The following NOS3 variants were observed in gnomAD, a reference collection of about 807,000 sequenced individuals.
The protein encoded by NOS3 is NOS type III.
NOS3 carries 98 observed loss-of-function variants against 144.9 expected under a neutral mutation model. That is an observed-to-expected ratio of 0.68 (90% confidence interval 0.57 to 0.80). The LOEUF (loss-of-function observed/expected upper bound fraction) is 0.80, where lower values mean the gene tolerates loss of function less well. Among genes scored for constraint, NOS3 ranks in the 30% least tolerant of loss-of-function variants. NOS3 has a pLI of 0.00. For synonymous variants in NOS3, 714 were observed against 702.4 expected (o/e 1.02, Z -0.26); for missense variants, 1,465 against 1,656.4 (o/e 0.88, Z 2.01).
rs1418631551 is a variant in NOS3, at chr7:150,996,862, G to A, written c.519G>A (p.Gly173=). The A allele has an allele frequency of 1.3e-6, 2 of 1,595,054 alleles. No homozygotes were observed. Among genetic ancestry groups the A allele is most frequent in the Middle Eastern group, 1.7e-4 (1 of 5,826 alleles). ...TTAGGGAGAGCGAGCTGGTGTTCGG[G>A]GCTAAGCAGGCCTGGCGCAACGCTC... ...YQLRESELVF[G]AKQAWRNAPR... is the part of the protein sequence containing the mutation. Residue 173 remains glycine, a synonymous_variant, in exon 5 of 27, where the codon GGG becomes GGA. Transcript: ENST00000297494.
At position 151,014,459 on chromosome 7, in the gene NOS3, C is replaced by T. The variant is rs1795398299; in HGVS notation, c.*290C>T. On this transcript the variant is annotated 3_prime_UTR_variant, in exon 27 of 27. Coordinates refer to ENST00000297494, the MANE Select transcript of NOS3 (RefSeq NM_000603.5). ...CTGTTTCTTAGTCGAATGTTAGATT[C>T]CTCTTGCCTCTCTCAGGAGTATCTT... 1 of 440,796 alleles carries T rather than the reference C, an allele frequency of 2.3e-6. No individual in the cohort carries two copies. Among genetic ancestry groups the T allele is most frequent in the East Asian group, 3.5e-5 (1 of 28,220 alleles). 27.3% of individuals were successfully genotyped at this position (440,796 alleles called of 1,614,324 possible).
intron 17 of NOS3, 188 bp from the exon 18 acceptor site, chr7:151,008,742 C>T: frequency 1.7e-6 from 1 of 602,902 alleles, no homozygotes; most frequent in Non-Finnish European, 2.8e-6. Context: ...AAAGAGCCAG[C>T]CGGGTCCCTG....
At position 150,993,584 on chromosome 7, in the gene NOS3, C is replaced by T. The variant is rs945667047; in HGVS notation, c.-51-169C>T. On this transcript the variant is annotated intron_variant, in intron 1 of 26. Coordinates refer to ENST00000297494, the MANE Select transcript of NOS3 (RefSeq NM_000603.5). This position sits in a 1 kb window ranked among gnomAD's most constrained non-coding sequence, Gnocchi z 4.0. ...CTCAGTCCTCACAGCGGAACCCAGG[C>T]GTCCGGCCCCCCACCCTTCAGGCCA... Among the ~76,000 whole-genome samples, 4 of 152,216 alleles carry T rather than the reference C, an allele frequency of 2.6e-5. No homozygotes were observed. Among genetic ancestry groups the T allele is most frequent in the African/African-American group, 7.2e-5 (3 of 41,546 alleles).
chr7:151,009,603 A>C lies in NOS3; in HGVS notation c.2512+18A>C. 11 of 1,510,868 alleles carry C rather than the reference A, an allele frequency of 7.3e-6. No individual in the cohort carries two copies. Among genetic ancestry groups the C allele is most frequent in the Non-Finnish European group, 8.9e-6 (10 of 1,127,338 alleles). 93.6% of individuals were successfully genotyped at this position (1,510,868 alleles called of 1,614,324 possible). A position where few individuals can be genotyped will look rare whatever the true frequency, so the allele number is the denominator to read the frequency against. On this transcript the variant is annotated intron_variant, in intron 20 of 26. Transcript: ENST00000297494. ...CAGCCCTGGTGAGGGGCAGCCTGGG[A>C]AGCAACAGGGCACACCAGCCCCATG...
At chr7:151,001,478 GC>G in intron 11 of NOS3, 53 bp downstream of exon 11, 3 of 1,603,724 alleles carry the variant, frequency 1.9e-6, no homozygotes, top group Non-Finnish European at 2.6e-6. Context: ...ATTCTAAGCA[GC>G]CCCTGGGGAC....
At position 151,007,289 on chromosome 7, in the gene NOS3, C is replaced by T. The variant is rs1355354258; in HGVS notation, c.2112+13C>T. On this transcript the variant is annotated intron_variant, in intron 17 of 26. Transcript: ENST00000297494. ...GGCTGCCTTCCAGGTGAGCCCAGCC[C>T]AGCCCCTGCTCTGACTCCTGCCCCC... is the stretch of plus-strand genomic sequence containing the variant. 36 of 1,587,882 alleles carry T rather than the reference C, an allele frequency of 2.3e-5. No homozygotes were observed. Among genetic ancestry groups the T allele is most frequent in the Non-Finnish European group, 2.9e-5 (34 of 1,172,330 alleles).
chr7:151,001,192 G>T, intron 10 of NOS3, 39 bp from the exon 11 acceptor site: 1 of 1,602,174 alleles, frequency 6.2e-7, no homozygotes, highest in African/African-American at 1.3e-5. Flanking sequence ...GAGGTCTGTG[G>T]GTCTGGTTTG....
At chr7:150,999,496 T>C (rs1357410516) in intron 9 of NOS3, 132 bp downstream of exon 9, 5 of 968,544 alleles carry the variant, frequency 5.2e-6, no homozygotes, top group South Asian at 1.7e-5. Flanking sequence ...AAATGGGAAC[T>C]GAGGACAAGC....
intron 21 of NOS3, 31 bp downstream of exon 21, chr7:151,010,318 C>T (rs1795277396): frequency 1.3e-6 from 2 of 1,587,832 alleles, no homozygotes; most frequent in Non-Finnish European, 1.7e-6. Context: ...GGCACAGGGG[C>T]TAGAGAGACG....
At position 151,002,030 on chromosome 7, in the gene NOS3, G is replaced by A. The variant is rs1795116512; in HGVS notation, c.1647+65G>A. ...GGGCTCTATCAGCATCTTCAGGGGT[G>A]CCCTGGAGGACAGGAAGTGTTACAA... On this transcript the variant is annotated intron_variant, in intron 13 of 26. Transcript: ENST00000297494. This position sits in a 1 kb window ranked among gnomAD's most constrained non-coding sequence, Gnocchi z 4.1. The A allele has an allele frequency of 1.2e-5, 19 of 1,579,108 alleles. No individual in the cohort carries two copies. The South Asian group carries it at 2.1e-4, about 18-fold the overall frequency.
At chr7:151,005,584 G>T (rs1380499223) in intron 14 of NOS3, among the ~76,000 whole-genome samples, 1 of 152,218 alleles carries the variant, frequency 6.6e-6, no homozygotes, top group African/African-American at 2.4e-5. Flanking sequence ...CTCCCCTGCA[G>T]CTGCGAGGAC....
At position 150,998,747 on chromosome 7, in the gene NOS3, G is replaced by A; in HGVS notation, c.816+67G>A. On this transcript the variant is annotated intron_variant, in intron 7 of 26. Transcript: ENST00000297494. The surrounding 1 kb of genome is among the most constrained non-coding windows in gnomAD (Gnocchi z 5.0). ...AGAATGAGGAAACCAGTGGGAGAAGGCTCGGGGGATCCAGGCAGGAAGAGG... is the reference window on the plus strand; with the variant it reads ...AGAATGAGGAAACCAGTGGGAGAAGACTCGGGGGATCCAGGCAGGAAGAGG... 6 of 1,545,598 alleles carry A rather than the reference G, an allele frequency of 3.9e-6. No individual in the cohort carries two copies. In the South Asian group the frequency reaches 7.0e-5, roughly 18 times the overall value.
At chr7:151,013,608 G>C in intron 25 of NOS3, 116 bp from the exon 26 acceptor site, 1 of 800,538 alleles carries the variant, frequency 1.2e-6, no homozygotes, top group East Asian at 6.0e-5. Flanking sequence ...CCCAGGGCAC[G>C]CAGGCCCCAC....
Position 151,003,238 on chromosome 7 carries a change from A to T in NOS3, c.1752+934A>T, listed in dbSNP as rs1353062044. ...CCTCCTAGACTCAAGCAATCCTCCC[A>T]CTTCAACCTCCCAAGTAGTTGGGAC... On this transcript the variant is annotated intron_variant, in intron 14 of 26. Transcript: ENST00000297494. This position sits in a 1 kb window ranked among gnomAD's most constrained non-coding sequence, Gnocchi z 4.1. 6.6e-6 allele frequency: 3 copies of T among 453,816 alleles called. No individual in the cohort carries two copies. In the East Asian group the frequency reaches 2.1e-4, roughly 32 times the overall value. 28.1% of individuals were successfully genotyped at this position (453,816 alleles called of 1,614,324 possible).
chr7:151,012,205 AGAGTT>A (rs1299620498), intron 23 of NOS3, 141 bp from the exon 24 acceptor site: 2 of 632,302 alleles, frequency 3.2e-6, no homozygotes, highest in Non-Finnish European at 5.2e-6. Context: ...TTCAGCAAGT[AGAGTT>A]GTTTTTTGTT....
chr7:151,002,694 C>A lies in NOS3; in HGVS notation c.1752+390C>A. ...AACAGGGATACGTCACTGAGGGCGG[C>A]TTCTAGGATGCGGGTAATGTTTCTT... On this transcript the variant is annotated intron_variant, in intron 14 of 26. Transcript: ENST00000297494. This position sits in a 1 kb window ranked among gnomAD's most constrained non-coding sequence, Gnocchi z 4.1. The A allele has an allele frequency of 4.7e-6, 1 of 214,660 alleles. No homozygotes were observed. The highest frequency in any genetic ancestry group is 9.5e-6 in the Non-Finnish European group (1 of 105,558). 13.3% of individuals were successfully genotyped at this position (214,660 alleles called of 1,614,324 possible).
At chr7:151,010,038 C>T in intron 20 of NOS3, 77 bp from the exon 21 acceptor site, 4 of 945,732 alleles carry the variant, frequency 4.2e-6, no homozygotes, top group Non-Finnish European at 5.0e-6. Flanking sequence ...CTAACAGTCA[C>T]CAAAACACAA....
chr7:151,014,301 C>T lies in NOS3; in HGVS notation c.*132C>T. The T allele has an allele frequency of 1.0e-6, 1 of 960,578 alleles. No homozygotes were observed. Among genetic ancestry groups the T allele is most frequent in the South Asian group, 1.7e-5 (1 of 58,218 alleles). The allele number at this position is 960,578 out of a possible 1,614,324, so 59.5% of individuals were successfully genotyped here. A position where few individuals can be genotyped will look rare whatever the true frequency, so the allele number is the denominator to read the frequency against. ...CATCTGTCCAGAGGCTGCAAGGATT[C>T]AGCATTATTCCTCCAGGAAGGAGCA... On this transcript the variant is annotated 3_prime_UTR_variant, in exon 27 of 27. Transcript: ENST00000297494.
At chr7:151,011,893 A>C (rs1041040537) in intron 23 of NOS3, 11 of 403,246 alleles carry the variant, frequency 2.7e-5, no homozygotes, top group Non-Finnish European at 5.0e-5. Context: ...TCTCGCAGCC[A>C]GGAACCAAAA....
Sources: gnomAD v4.1 joint callset for allele counts (sites outside exome capture counted in the v4.1 genomes callset) on GRCh38, gnomAD v4.1.1 for gene constraint, Gnocchi (gnomAD v3.1) non-coding constraint, MANE v1.5 for transcripts, NCBI Gene and HGNC (gene_info 2026-07-23, HGNC 2026-07-21) for gene names.